The following ZFYVE9 variants were observed in gnomAD, a reference collection of about 807,000 sequenced individuals.
The protein encoded by ZFYVE9 is zinc finger FYVE-type containing 9, also known as zinc finger FYVE domain-containing protein 9.
Under a neutral mutation model 126.7 loss-of-function variants are expected in ZFYVE9, and 43 were observed. That is an observed-to-expected ratio of 0.34 (90% CI 0.27 to 0.44). The LOEUF is 0.44. Ranked by LOEUF, ZFYVE9 falls within the 20% of genes least tolerant of loss-of-function variation. ZFYVE9 has a pLI of 1.00. For missense variants in ZFYVE9, 1,476 were observed against 1,697.0 expected (o/e 0.87, Z 2.29); for synonymous variants, 521 against 597.4 (o/e 0.87, Z 1.87).
chr1:52,166,513 T>C (rs967210453), intron 1 of ZFYVE9, among the ~76,000 whole-genome samples: 1 of 152,232 alleles, frequency 6.6e-6, no homozygotes. Context: ...GACTTAATCA[T>C]TTTAAAATGT....
At chr1:52,217,265 T>G (rs1201245038) in intron 2 of ZFYVE9, among the ~76,000 whole-genome samples, 2 of 152,180 alleles carry the variant, frequency 1.3e-5, no homozygotes, top group African/African-American at 2.4e-5. Context: ...AGGCTTAAAC[T>G]TTTCCAAACA....
chr1:52,238,067 A>C lies in ZFYVE9; in HGVS notation c.650A>C (p.Asn217Thr). Reference protein sequence around the residue: ...MNSEKQMDPLNRPKTEGRSVN... With the variant: ...MNSEKQMDPLTRPKTEGRSVN... ...TCAGAGAAACAAATGGATCCATTGA[A>C]TAGACCGAAAACAGAGGGGAGATCT... Residue 217 changes from asparagine to threonine, a missense_variant, in exon 4 of 19, where the codon AAT becomes ACT. This residue lies in a region of ZFYVE9 where 807 missense variants were observed against 794.6 expected (regional missense o/e 1.02). Coordinates refer to ENST00000287727, the MANE Select transcript of ZFYVE9 (RefSeq NM_004799.4). 1 of 1,614,070 alleles carries C rather than the reference A, an allele frequency of 6.2e-7. No individual in the cohort carries two copies. Among genetic ancestry groups the C allele is most frequent in the Non-Finnish European group, 8.5e-7 (1 of 1,179,946 alleles).
rs537740255 is a variant in ZFYVE9, at chr1:52,142,766, C to T, written c.-143+363C>T. Among the ~76,000 whole-genome samples, 296 of 152,290 alleles carry T rather than the reference C, an allele frequency of 1.9e-3. 1 individual carries two copies. Among genetic ancestry groups the T allele is most frequent in the Non-Finnish European group, 3.4e-3 (232 of 68,012 alleles). ...CATCCCGGAGGGAGGCAGATGACGC[C>T]TGTTTGCAAACAAGCTTTGGCTTCC... On this transcript the variant is annotated intron_variant, in intron 1 of 18. Transcript: ENST00000287727. The surrounding 1 kb of genome is among the most constrained non-coding windows in gnomAD (Gnocchi z 4.5).
Position 52,334,678 on chromosome 1 carries a change from G to T in ZFYVE9, c.3590-10G>T. The T allele has an allele frequency of 1.9e-6, 3 of 1,613,126 alleles. No homozygotes were observed. Among genetic ancestry groups the T allele is most frequent in the South Asian group, 1.1e-5 (1 of 91,042 alleles). ...TCTGTCTTACTAAACTATTTCTATT[G>T]CTGTTTTAGTGACTGGTGCCAGTTT... On this transcript the variant is annotated splice_polypyrimidine_tract_variant and intron_variant, in intron 14 of 18. Transcript: ENST00000287727.
chr1:52,320,378 G>A (rs1646228525), intron 13 of ZFYVE9, among the ~76,000 whole-genome samples: 1 of 152,134 alleles, frequency 6.6e-6, no homozygotes, highest in Non-Finnish European at 1.5e-5. Context: ...CTGTTAAGAT[G>A]TATTTTAAAA....
At chr1:52,301,869 G>A (rs1031365808) in intron 12 of ZFYVE9, among the ~76,000 whole-genome samples, 1 of 151,806 alleles carries the variant, frequency 6.6e-6, no homozygotes, top group African/African-American at 2.4e-5. Context: ...AGTCTTTTTT[G>A]TCTCTTGTTT....
rs751015559 is a variant in ZFYVE9, at chr1:52,322,866, G to A, written c.3439-9902G>A. Among the ~76,000 whole-genome samples, 5 of 152,016 alleles carry A rather than the reference G, an allele frequency of 3.3e-5. No individual in the cohort carries two copies. The South Asian group carries it at 8.3e-4, about 25-fold the overall frequency. On this transcript the variant is annotated intron_variant, in intron 13 of 18. Coordinates refer to ENST00000287727, the MANE Select transcript of ZFYVE9 (RefSeq NM_004799.4). ...ATCGCCCAGGCTGGAGTGCAGTGGC[G>A]CGATCTCAGCTCACTGCAAACTCTG...
At chr1:52,330,457 A>G (rs1285892040) in intron 13 of ZFYVE9, among the ~76,000 whole-genome samples, 2 of 152,154 alleles carry the variant, frequency 1.3e-5, no homozygotes, top group East Asian at 3.8e-4. Flanking sequence ...TCCTGATTAT[A>G]TGCTAAACAA....
In ZFYVE9 at chr1:52,238,984, A is replaced by G. The variant is rs769316388; in HGVS notation, c.1567A>G (p.Arg523Gly). Residue 523 changes from arginine to glycine, a missense_variant, in exon 4 of 19, where the codon AGA (arginine) becomes GGA (glycine). Arg to Gly is a moderately radical substitution (Grantham distance 125). This residue lies in a region of ZFYVE9 where 807 missense variants were observed against 794.6 expected (regional missense o/e 1.02). Transcript: ENST00000287727. ...SECYSNIYEQ[R>G]GNEATEGSGL... Reference sequence around the variant, plus strand: ...ATGCTACTCAAATATTTATGAACAGAGAGGAAATGAGGCCACAGAAGGGAG... The same window carrying G: ...ATGCTACTCAAATATTTATGAACAGGGAGGAAATGAGGCCACAGAAGGGAG... 6.2e-7 allele frequency: 1 copy of G among 1,614,016 alleles called. No homozygotes were observed. Among genetic ancestry groups the G allele is most frequent in the Admixed American group, 1.7e-5 (1 of 59,980 alleles).
chr1:52,321,362 CTCT>C (rs1359257391), intron 13 of ZFYVE9, among the ~76,000 whole-genome samples: 1 of 152,092 alleles, frequency 6.6e-6, no homozygotes, highest in Admixed American at 6.6e-5. Context: ...GCTGATAGTC[CTCT>C]TCTTAAAGGA....
At chr1:52,185,910 C>G (rs1322503098) in intron 1 of ZFYVE9, among the ~76,000 whole-genome samples, 1 of 140,632 alleles carries the variant, frequency 7.1e-6, no homozygotes, top group Non-Finnish European at 1.5e-5. Context: ...CAGAGTGAGA[C>G]TCCGTCTCAA....
intron 1 of ZFYVE9, among the ~76,000 whole-genome samples, chr1:52,159,397 A>G (rs1338207545): frequency 2.0e-5 from 3 of 152,218 alleles, no homozygotes; most frequent in Non-Finnish European, 4.4e-5. Flanking sequence ...TAAGAGATAC[A>G]TGAAGTAGGA....
intron 1 of ZFYVE9, among the ~76,000 whole-genome samples, chr1:52,186,966 ATATTT>A (rs907309769): frequency 6.6e-6 from 1 of 152,146 alleles, no homozygotes; most frequent in African/African-American, 2.4e-5. Context: ...CTAGAAAAAA[ATATTT>A]TAAAATTCAT....
chr1:52,219,755 G>T (rs957108742), intron 2 of ZFYVE9, among the ~76,000 whole-genome samples: 11 of 96,208 alleles, frequency 1.1e-4, no homozygotes, highest in African/African-American at 5.4e-4. Flanking sequence ...TCTTTTGTGT[G>T]TGTGTGTGTG....
intron 4 of ZFYVE9, among the ~76,000 whole-genome samples, chr1:52,248,010 A>G (rs1645408141): frequency 1.3e-5 from 2 of 152,208 alleles, no homozygotes; most frequent in East Asian, 3.8e-4. Context: ...GTGGAGATAT[A>G]TAGATATATA....
intron 4 of ZFYVE9, among the ~76,000 whole-genome samples, chr1:52,249,135 G>A (rs1645419177): frequency 6.6e-6 from 1 of 152,150 alleles, no homozygotes; most frequent in African/African-American, 2.4e-5. Flanking sequence ...AGATGTGCTT[G>A]CTTCCCCCTT....
At chr1:52,157,394 CTTTTT>C (rs71579908) in intron 1 of ZFYVE9, among the ~76,000 whole-genome samples, 89 of 58,454 alleles carry the variant, frequency 1.5e-3, no homozygotes, top group African/African-American at 5.4e-3. Context: ...ACCATATTCT[CTTTTT>C]TTTTTTTTTT....
intron 1 of ZFYVE9, among the ~76,000 whole-genome samples, chr1:52,143,801 A>G (rs951501279): frequency 2.6e-5 from 4 of 152,234 alleles, no homozygotes; most frequent in Non-Finnish European, 4.4e-5. Flanking sequence ...TTAACCTTCT[A>G]TGCAGCATGG....
chr1:52,178,061 C>T (rs1015187248), intron 1 of ZFYVE9, among the ~76,000 whole-genome samples: 2 of 150,926 alleles, frequency 1.3e-5, no homozygotes, highest in South Asian at 2.1e-4. Context: ...GGGTAGATCA[C>T]GAAGTCAGGA....
Sources: allele counts gnomAD v4.1 joint callset (sites outside exome capture counted in the v4.1 genomes callset), GRCh38; gene constraint gnomAD v4.1.1; regional missense constraint gnomAD v4.1.1; non-coding constraint Gnocchi (gnomAD v3.1); transcripts MANE v1.5; gene names NCBI Gene and HGNC (gene_info 2026-07-23, HGNC 2026-07-21).